Variants in CPNE2 observed in about 807,000 individuals in gnomAD.
CPNE2 encodes copine-2.
CPNE2 carries 42 observed loss-of-function variants against 69.7 expected under a neutral mutation model. That is an observed-to-expected ratio of 0.60 (90% CI 0.47 to 0.78). CPNE2 has a LOEUF of 0.78. Ranked by LOEUF, CPNE2 falls within the 30% of genes least tolerant of loss-of-function variation. The probability of loss-of-function intolerance (pLI) is 0.00; values close to 1 mark genes in which losing one functional copy is unlikely to be tolerated. For missense variants in CPNE2, 587 were observed against 732.0 expected (o/e 0.80, Z 2.29); for synonymous variants, 294 against 289.8 (o/e 1.01, Z -0.15).
At chr16:57,122,853 A>C (rs1246941114) in intron 9 of CPNE2, among the ~76,000 whole-genome samples, 1 of 151,612 alleles carries the variant, frequency 6.6e-6, no homozygotes, top group Non-Finnish European at 1.5e-5. Context: ...TTGGCCTCCC[A>C]AACTGCTAGG....
At chr16:57,121,530 TGGG>T in intron 8 of CPNE2, 141 bp from the exon 9 acceptor site, 1 of 772,982 alleles carries the variant, frequency 1.3e-6, no homozygotes, top group African/African-American at 1.7e-5. Context: ...CTACCATTTT[TGGG>T]TGTGGACATC....
rs1639150387 is a variant in CPNE2 at position 57,137,165 on chromosome 16, C to T, written c.1185C>T (p.Ala395=). Reference sequence around the variant, plus strand: ...CCGAGGCAGGTGTGGATGGTATTGCCCAGGCGTACTCAGCTTGCCTGCCCC... The same window carrying T: ...CCGAGGCAGGTGTGGATGGTATTGCTCAGGCGTACTCAGCTTGCCTGCCCC... ...NPFCSGVDGI[A]QAYSACLPHI... The change falls in exon 14 of 16, where the codon GCC becomes GCT. Residue 395 remains alanine (A), a synonymous_variant. Coordinates refer to ENST00000290776, the MANE Select transcript of CPNE2 (RefSeq NM_152727.6). 6.2e-7 allele frequency: 1 copy of T among 1,614,136 alleles called. No individual in the cohort carries two copies.
chr16:57,111,671 T>C (rs1387208918), intron 2 of CPNE2, among the ~76,000 whole-genome samples: 1 of 152,182 alleles, frequency 6.6e-6, no homozygotes, highest in Non-Finnish European at 1.5e-5. Flanking sequence ...AGCTGTCCCT[T>C]TCTGAACCTG....
chr16:57,095,555 C>T (rs1176249364), intron 1 of CPNE2, among the ~76,000 whole-genome samples: 6 of 152,210 alleles, frequency 3.9e-5, no homozygotes, highest in Non-Finnish European at 8.8e-5. Flanking sequence ...TCACTGCAAC[C>T]TCCACCTCCC....
rs772985707 is a variant in CPNE2, at chr16:57,147,860, C to A, written c.*202C>A. ...CAACTGTTGATGCTTCCAGGCCAAA[C>A]TGGCTTCCTCTCCTCCTCTCCCCAC... On this transcript the variant is annotated 3_prime_UTR_variant, in exon 16 of 16. Coordinates refer to ENST00000290776, the MANE Select transcript of CPNE2 (RefSeq NM_152727.6). 3 of 409,104 alleles carry A rather than the reference C, an allele frequency of 7.3e-6. No homozygotes were observed. Among genetic ancestry groups the A allele is most frequent in the Non-Finnish European group, 1.3e-5 (3 of 231,126 alleles). 25.3% of individuals were successfully genotyped at this position (409,104 alleles called of 1,614,324 possible).
intron 9 of CPNE2, 24 bp downstream of exon 9, chr16:57,121,784 A>G (rs1179136744): frequency 6.2e-7 from 1 of 1,609,656 alleles, no homozygotes; most frequent in Non-Finnish European, 8.5e-7. Flanking sequence ...GGCAAGCACG[A>G]GCCAGGGGCC....
intron 11 of CPNE2, among the ~76,000 whole-genome samples, chr16:57,127,599 G>A (rs1187300906): frequency 3.3e-5 from 5 of 152,190 alleles, no homozygotes; most frequent in African/African-American, 1.2e-4. Flanking sequence ...CTGTGCCCAG[G>A]CCCATTGGTT....
At chr16:57,118,330 T>C (rs1407204767) in intron 5 of CPNE2, among the ~76,000 whole-genome samples, 2 of 92,910 alleles carry the variant, frequency 2.2e-5, no homozygotes, top group African/African-American at 7.3e-5. Context: ...CACGCCCAGC[T>C]AATTTTTTTT....
At chr16:57,145,992 C>T in intron 14 of CPNE2, 93 bp from the exon 15 acceptor site, 2 of 1,098,860 alleles carry the variant, frequency 1.8e-6, no homozygotes, top group Non-Finnish European at 2.7e-6. Flanking sequence ...CTGCCTTCCT[C>T]CAGGACTCGG....
chr16:57,118,363 C>T (rs200587650), intron 5 of CPNE2, among the ~76,000 whole-genome samples: 20 of 144,250 alleles, frequency 1.4e-4, no homozygotes, highest in African/African-American at 1.5e-4. Flanking sequence ...TTAGTAGAGA[C>T]GGGGTTTCAC....
At chr16:57,119,086 A>G in intron 5 of CPNE2, 109 bp from the exon 6 acceptor site, 1 of 968,474 alleles carries the variant, frequency 1.0e-6, no homozygotes, top group South Asian at 1.5e-5. Flanking sequence ...GGCTCTGCCC[A>G]CAGCTCCTAT....
chr16:57,130,548 G>A lies in CPNE2; in HGVS notation c.1116+2645G>A, dbSNP rs1174533841. Among the ~76,000 whole-genome samples the A allele has an allele frequency of 1.3e-5, 2 of 152,022 alleles. No homozygotes were observed. Among genetic ancestry groups the A allele is most frequent in the African/African-American group, 4.8e-5 (2 of 41,384 alleles). ...GAATGTTCTAGATACCACTCTGCCT[G>A]CTTTACCAGTTTCAACTAATTCTCA... is the stretch of plus-strand genomic sequence containing the variant. On this transcript the variant is annotated intron_variant, in intron 12 of 15. Coordinates refer to ENST00000290776, the MANE Select transcript of CPNE2 (RefSeq NM_152727.6). The surrounding 1 kb of genome is among the most constrained non-coding windows in gnomAD (Gnocchi z 4.1).
At chr16:57,113,230 G>A (rs1278644477) in intron 2 of CPNE2, 58 bp from the exon 3 acceptor site, 11 of 1,519,824 alleles carry the variant, frequency 7.2e-6, no homozygotes, top group Admixed American at 3.5e-5. Context: ...CCAGCAGCCT[G>A]CGAGGTCTTG....
At chr16:57,136,076 AAGGAAGGGAGGGATGG>A (rs1234300410) in intron 13 of CPNE2, among the ~76,000 whole-genome samples, 4 of 150,006 alleles carry the variant, frequency 2.7e-5, no homozygotes, top group Admixed American at 1.3e-4. Flanking sequence ...AAGATGAAAG[AAGGAAGGGAGGGATGG>A]AGGAAGGGAG....
Position 57,146,909 on chromosome 16 carries a change from C to T in CPNE2, c.1539+588C>T, listed in dbSNP as rs1403777920. 1.3e-5 allele frequency: 2 copies of T among 156,716 alleles called. No homozygotes were observed. The highest frequency in any genetic ancestry group is 6.1e-5 in the Admixed American group (1 of 16,380). 9.7% of individuals were successfully genotyped at this position (156,716 alleles called of 1,614,324 possible). A position where few individuals can be genotyped will look rare whatever the true frequency, so the allele number is the denominator to read the frequency against. On this transcript the variant is annotated intron_variant, in intron 15 of 15. Coordinates refer to ENST00000290776, the MANE Select transcript of CPNE2 (RefSeq NM_152727.6). This position sits in a 1 kb window ranked among gnomAD's most constrained non-coding sequence, Gnocchi z 4.4. ...TAGCAGCAGGGTCCATGAGGAGTCCCATAGGGGAGCAGTCTCTCCACTGTA... is the reference window on the plus strand; with the variant it reads ...TAGCAGCAGGGTCCATGAGGAGTCCTATAGGGGAGCAGTCTCTCCACTGTA...
intron 1 of CPNE2, chr16:57,094,144 G>C: frequency 2.2e-6 from 1 of 453,504 alleles, no homozygotes; most frequent in Admixed American, 2.4e-5. Context: ...CACCCAGGCA[G>C]GTTTCTCCAT....
intron 11 of CPNE2, among the ~76,000 whole-genome samples, chr16:57,127,077 CACTT>C (rs2069806002): frequency 1.3e-5 from 2 of 152,156 alleles, no homozygotes; most frequent in South Asian, 2.1e-4. Context: ...AGGGAGTTCT[CACTT>C]AAAGAGGAAG....
intron 14 of CPNE2, 106 bp from the exon 15 acceptor site, chr16:57,145,979 G>A: frequency 1.1e-6 from 1 of 928,340 alleles, no homozygotes. Context: ...TGGGTAAGAT[G>A]CACTGCCTTC....
At chr16:57,116,223 C>A (rs1394586377) in intron 4 of CPNE2, among the ~76,000 whole-genome samples, 1 of 152,178 alleles carries the variant, frequency 6.6e-6, no homozygotes, top group Non-Finnish European at 1.5e-5. Context: ...GCCTGGCTCT[C>A]CTGCCTTGGT....
Sources: gnomAD v4.1 joint callset for allele counts (sites outside exome capture counted in the v4.1 genomes callset) on GRCh38, gnomAD v4.1.1 for gene constraint, Gnocchi (gnomAD v3.1) non-coding constraint, MANE v1.5 for transcripts, NCBI Gene and HGNC (gene_info 2026-07-23, HGNC 2026-07-21) for gene names.